The following DPYD variants were observed in gnomAD, a reference collection of about 807,000 sequenced individuals.
DPYD encodes dihydropyrimidine dehydrogenase.
Under a neutral mutation model 116.2 loss-of-function variants are expected in DPYD, and 109 were observed. That is an observed-to-expected ratio of 0.94 (90% CI 0.80 to 1.10). DPYD has a LOEUF of 1.10. Among genes scored for constraint, DPYD ranks in the 50% least tolerant of loss-of-function variants. DPYD has a pLI of 0.00. For missense variants in DPYD, 1,302 were observed against 1,254.5 expected (o/e 1.04, Z -0.57); for synonymous variants, 440 against 432.0 (o/e 1.02, Z -0.23).
chr1:97,441,252 G>C (rs1346115672), intron 14 of DPYD, among the ~76,000 whole-genome samples: 1 of 151,732 alleles, frequency 6.6e-6, no homozygotes, highest in African/African-American at 2.4e-5. Context: ...TGTAGTTTTA[G>C]GCAAAACTGG....
chr1:97,294,663 TAGAC>T (rs1190333992), intron 18 of DPYD, among the ~76,000 whole-genome samples: 2 of 152,194 alleles, frequency 1.3e-5, no homozygotes, highest in African/African-American at 2.4e-5. Context: ...GCATCACAGT[TAGAC>T]TGAGTGCTCA....
intron 16 of DPYD, among the ~76,000 whole-genome samples, chr1:97,343,090 G>A (rs951225582): frequency 5.3e-5 from 8 of 152,040 alleles, no homozygotes; most frequent in Admixed American, 6.6e-5. Context: ...TGTTATAAAA[G>A]TCTTTTGAGA....
chr1:97,818,959 C>T (rs1053102118), intron 3 of DPYD, among the ~76,000 whole-genome samples: 2 of 151,852 alleles, frequency 1.3e-5, no homozygotes, highest in African/African-American at 4.8e-5. Flanking sequence ...ACAAAAATTA[C>T]ATAAGACTAA....
At chr1:97,339,800 TA>T (rs1463707370) in intron 16 of DPYD, among the ~76,000 whole-genome samples, 1 of 152,200 alleles carries the variant, frequency 6.6e-6, no homozygotes, top group African/African-American at 2.4e-5. Context: ...ACAGTGTTCT[TA>T]AAATTTATGT....
chr1:97,398,245 C>T (rs931812164), intron 14 of DPYD, among the ~76,000 whole-genome samples: 4 of 152,062 alleles, frequency 2.6e-5, no homozygotes, highest in African/African-American at 9.7e-5. Flanking sequence ...TGGTTTCCAG[C>T]TTCATCCATG....
intron 13 of DPYD, among the ~76,000 whole-genome samples, chr1:97,472,117 T>C (rs1677697644): frequency 6.6e-6 from 1 of 152,186 alleles, no homozygotes; most frequent in South Asian, 2.1e-4. Flanking sequence ...GGAGTTTAAA[T>C]TTTTCTGAAT....
chr1:97,574,282 TTA>T lies in DPYD; in HGVS notation c.1129-314_1129-313del, dbSNP rs1557809480. 2.0e-5 allele frequency among the ~76,000 whole-genome samples: 3 copies of T among 152,260 alleles called. No homozygotes were observed. The East Asian group carries it at 5.8e-4, about 29-fold the overall frequency. ...TTCTGACCATAGTAGCCTATTATTT[TTA>T]TGTTTTCAATTCAGTAGATTAAGGT... On this transcript the variant is annotated intron_variant, in intron 10 of 22. Coordinates refer to ENST00000370192, the MANE Select transcript of DPYD (RefSeq NM_000110.4).
At chr1:97,831,570 T>C (rs964302474) in intron 2 of DPYD, among the ~76,000 whole-genome samples, 38 of 152,128 alleles carry the variant, frequency 2.5e-4, no homozygotes, top group Non-Finnish European at 5.1e-4. Context: ...GGACTTACTT[T>C]ACAGGATAGG....
chr1:97,892,611 C>T (rs954882271), intron 1 of DPYD, among the ~76,000 whole-genome samples: 1 of 151,772 alleles, frequency 6.6e-6, no homozygotes, highest in African/African-American at 2.4e-5. Context: ...TGGTCAAAGA[C>T]TTACATTTAC....
At chr1:97,160,685 C>G (rs889157965) in intron 20 of DPYD, among the ~76,000 whole-genome samples, 4 of 152,094 alleles carry the variant, frequency 2.6e-5, no homozygotes, top group Non-Finnish European at 4.4e-5. Context: ...AACAGGACAG[C>G]CTTACACATA....
intron 4 of DPYD, among the ~76,000 whole-genome samples, chr1:97,732,917 A>T (rs1457789070): frequency 2.0e-4 from 31 of 152,170 alleles, no homozygotes; most frequent in African/African-American, 7.5e-4. Flanking sequence ...TTTTACACGC[A>T]GAAAAAAGCT....
At position 97,108,312 on chromosome 1, in the gene DPYD, C is replaced by T. The variant is rs192000664; in HGVS notation, c.2623-9680G>A. ...TCCCTCTGTGTCTCAGTTTTCTCAC[C>T]GGTAACATGAGGGGGTTTGACTACA... is the stretch of plus-strand genomic sequence containing the variant. On this transcript the variant is annotated intron_variant, in intron 20 of 22. Transcript: ENST00000370192. 3.9e-5 allele frequency among the ~76,000 whole-genome samples: 6 copies of T among 152,176 alleles called. No homozygotes were observed. In the East Asian group the frequency reaches 5.8e-4, roughly 15 times the overall value.
rs199716009 is a variant in DPYD, at chr1:97,506,303, A to AG, written c.1740+9422dup. 5.4e-3 allele frequency among the ~76,000 whole-genome samples: 819 copies of AG among 152,102 alleles called. 12 individuals are homozygous for AG. Among genetic ancestry groups the AG allele is most frequent in the African/African-American group, 0.019 (780 of 41,530 alleles). On this transcript the variant is annotated intron_variant, in intron 13 of 22. Coordinates refer to ENST00000370192, the MANE Select transcript of DPYD (RefSeq NM_000110.4). Reference sequence around the variant, plus strand: ...TTAAAAAGCAATAAAGAAAATACAAAGGCAAGGAGAATATTATGGAATTCA... The same window carrying AG: ...TTAAAAAGCAATAAAGAAAATACAAAGGGCAAGGAGAATATTATGGAATTCA...
intron 20 of DPYD, among the ~76,000 whole-genome samples, chr1:97,184,426 C>G (rs1281691612): frequency 6.6e-6 from 1 of 152,104 alleles, no homozygotes; most frequent in Admixed American, 6.6e-5. Context: ...TCACCAGCAT[C>G]TATTATTTTT....
intron 2 of DPYD, among the ~76,000 whole-genome samples, chr1:97,841,384 T>C (rs1670028570): frequency 6.6e-6 from 1 of 152,036 alleles, no homozygotes; most frequent in South Asian, 2.1e-4. Context: ...ACAAGTGGCT[T>C]AACTTGTCAT....
At chr1:97,090,203 T>C (rs753671294) in intron 21 of DPYD, among the ~76,000 whole-genome samples, 2 of 152,158 alleles carry the variant, frequency 1.3e-5, no homozygotes, top group Non-Finnish European at 2.9e-5. Context: ...GTTTGAATAC[T>C]GTGCTTTGCA....
intron 3 of DPYD, among the ~76,000 whole-genome samples, chr1:97,778,220 G>GA: frequency 1.4e-5 from 2 of 142,762 alleles, no homozygotes; most frequent in African/African-American, 2.6e-5. Context: ...GAGAGAGAGA[G>GA]GGAGGGAGGG....
chr1:97,202,410 T>C (rs1659271347), intron 19 of DPYD, among the ~76,000 whole-genome samples: 2 of 152,154 alleles, frequency 1.3e-5, no homozygotes, highest in South Asian at 4.1e-4. Context: ...GAAAGTCTAT[T>C]TTTCAGTGTA....
chr1:97,252,544 T>G (rs1164958279), intron 18 of DPYD, among the ~76,000 whole-genome samples: 4 of 152,192 alleles, frequency 2.6e-5, no homozygotes, highest in Non-Finnish European at 4.4e-5. Context: ...CATTCAGATT[T>G]GGGCATTGGG....
Sources: gnomAD v4.1 joint callset for allele counts (sites outside exome capture counted in the v4.1 genomes callset) on GRCh38, gnomAD v4.1.1 for gene constraint, MANE v1.5 for transcripts, NCBI Gene and HGNC (gene_info 2026-07-23, HGNC 2026-07-21) for gene names.